The following SGCZ variants were observed in gnomAD, a reference collection of about 807,000 sequenced individuals.
SGCZ encodes zeta-sarcoglycan.
SGCZ carries 40 observed loss-of-function variants against 41.3 expected under a neutral mutation model. That is an observed-to-expected ratio of 0.97 (90% confidence interval 0.75 to 1.26). The LOEUF (loss-of-function observed/expected upper bound fraction) is 1.26, where lower values mean the gene tolerates loss of function less well. SGCZ is among the 50% of genes most tolerant of loss of function. The pLI is 0.00. For synonymous variants in SGCZ, 206 were observed against 137.5 expected, an observed-to-expected ratio of 1.50 and a Z score of -3.49; for missense variants, 552 against 369.8, an observed-to-expected ratio of 1.49 and a Z score of -4.04.
At chr8:15,236,128 T>C (rs1802110912) in intron 1 of SGCZ, among the ~76,000 whole-genome samples, 1 of 152,192 alleles carries the variant, frequency 6.6e-6, no homozygotes, top group Non-Finnish European at 1.5e-5. Flanking sequence ...CCCAGGGAAC[T>C]CAGTCTTCGG....
At chr8:14,950,872 A>T (rs911981229) in intron 1 of SGCZ, among the ~76,000 whole-genome samples, 1 of 152,090 alleles carries the variant, frequency 6.6e-6, no homozygotes. Flanking sequence ...AATAGTTCAT[A>T]ACAGAAATAA....
At chr8:14,999,055 C>G (rs902992745) in intron 1 of SGCZ, among the ~76,000 whole-genome samples, 20 of 152,132 alleles carry the variant, frequency 1.3e-4, no homozygotes, top group African/African-American at 4.8e-4. Flanking sequence ...GTGATGTTGG[C>G]AGAATTATGT....
intron 1 of SGCZ, among the ~76,000 whole-genome samples, chr8:14,822,178 G>A (rs528386044): frequency 4.3e-4 from 66 of 151,770 alleles, no homozygotes; most frequent in Non-Finnish European, 5.9e-4. Flanking sequence ...AATGGATAGC[G>A]TTTGTATAGG....
intron 2 of SGCZ, among the ~76,000 whole-genome samples, chr8:14,484,708 C>T (rs929961827): frequency 5.3e-5 from 8 of 152,188 alleles, no homozygotes; most frequent in African/African-American, 1.9e-4. Flanking sequence ...TTGTTTGAAT[C>T]AATTTTAAAA....
At chr8:14,386,374 C>T (rs1804578307) in intron 2 of SGCZ, among the ~76,000 whole-genome samples, 2 of 151,680 alleles carry the variant, frequency 1.3e-5, no homozygotes, top group Non-Finnish European at 1.5e-5. Context: ...TGGTTGTGGT[C>T]CACACAAAAT....
At chr8:15,194,683 A>C (rs1036449040) in intron 1 of SGCZ, among the ~76,000 whole-genome samples, 1 of 152,170 alleles carries the variant, frequency 6.6e-6, no homozygotes, top group African/African-American at 2.4e-5. Context: ...AAGGTTCTAC[A>C]CTGTGGCTTT....
intron 1 of SGCZ, among the ~76,000 whole-genome samples, chr8:14,876,132 G>A (rs534332269): frequency 5.9e-5 from 9 of 152,052 alleles, no homozygotes; most frequent in South Asian, 2.1e-4. Flanking sequence ...TAGAGAGATC[G>A]GACTGCCTAG....
rs1040953331 is a variant in SGCZ at position 14,090,279 on chromosome 8, G to T, written c.*164C>A. 16 of 648,392 alleles carry T rather than the reference G, an allele frequency of 2.5e-5. No homozygotes were observed. The highest frequency in any genetic ancestry group is 4.1e-5 in the Non-Finnish European group (16 of 393,572). The allele number at this position is 648,392 out of a possible 1,614,324, so 40.2% of individuals were successfully genotyped here. On this transcript the variant is annotated 3_prime_UTR_variant, in exon 8 of 8. Coordinates refer to ENST00000382080, the MANE Select transcript of SGCZ (RefSeq NM_139167.4). ...CACACCCTCTGTGTTGAGCAGTACA[G>T]TAAATCACAAGAGAAGGTGGTGGCG...
intron 1 of SGCZ, among the ~76,000 whole-genome samples, chr8:15,056,658 T>G (rs570270642): frequency 6.6e-6 from 1 of 152,186 alleles, no homozygotes; most frequent in African/African-American, 2.4e-5. Flanking sequence ...TAAATAAAGT[T>G]TTCTGCCATA....
chr8:14,822,422 C>A (rs750873176), intron 1 of SGCZ, among the ~76,000 whole-genome samples: 1 of 152,080 alleles, frequency 6.6e-6, no homozygotes, highest in Non-Finnish European at 1.5e-5. Context: ...CCAAAGTGAT[C>A]TACAAAGTTA....
rs929161594 is a variant in SGCZ at position 14,087,549 on chromosome 8, T to C, written c.*2894A>G. ...CGGGTAATAAGATAGCTTAGTCGCA[T>C]CCATGTAGTACACTATAAAGGACTC... On this transcript the variant is annotated 3_prime_UTR_variant, in exon 8 of 8. Transcript: ENST00000382080. 1.3e-5 allele frequency among the ~76,000 whole-genome samples: 2 copies of C among 151,620 alleles called. No homozygotes were observed. The highest frequency in any genetic ancestry group is 4.8e-5 in the African/African-American group (2 of 41,352).
At chr8:15,224,720 A>T (rs1801711388) in intron 1 of SGCZ, among the ~76,000 whole-genome samples, 1 of 152,172 alleles carries the variant, frequency 6.6e-6, no homozygotes, top group Admixed American at 6.5e-5. Flanking sequence ...AAGGTTCAAA[A>T]TAAAAGAATG....
intron 1 of SGCZ, among the ~76,000 whole-genome samples, chr8:15,166,848 A>G (rs1192435855): frequency 6.6e-6 from 1 of 152,202 alleles, no homozygotes; most frequent in Non-Finnish European, 1.5e-5. Context: ...CAGCCTTCTG[A>G]TAACTTTAGA....
rs1359432025 is a variant in SGCZ, at chr8:14,804,572, G to A, written c.40-249646C>T. Among the ~76,000 whole-genome samples, 17 of 139,540 alleles carry A rather than the reference G, an allele frequency of 1.2e-4. 1 individual carries two copies. The highest frequency in any genetic ancestry group is 1.1e-3 in the Admixed American group (15 of 13,324). 91.5% of individuals were successfully genotyped at this position (139,540 alleles called of 152,430 possible). On this transcript the variant is annotated intron_variant, in intron 1 of 7. Coordinates refer to ENST00000382080, the MANE Select transcript of SGCZ (RefSeq NM_139167.4). ...TGAGCAAAGCCTCCAAGAAATATGG[G>A]ACTATGTGAAAAGACCAAATCTACG...
intron 1 of SGCZ, among the ~76,000 whole-genome samples, chr8:14,858,037 T>C (rs957372901): frequency 6.6e-6 from 1 of 152,172 alleles, no homozygotes; most frequent in African/African-American, 2.4e-5. Flanking sequence ...GTCTGTAATG[T>C]GAACTTTATA....
At chr8:15,224,364 C>G (rs1801701961) in intron 1 of SGCZ, among the ~76,000 whole-genome samples, 1 of 151,672 alleles carries the variant, frequency 6.6e-6, no homozygotes, top group Admixed American at 6.6e-5. Context: ...ACATGAGAAT[C>G]AAGACAGTGT....
At chr8:14,932,230 T>A (rs770328260) in intron 1 of SGCZ, among the ~76,000 whole-genome samples, 22 of 151,962 alleles carry the variant, frequency 1.4e-4, no homozygotes, top group Non-Finnish European at 2.9e-4. Context: ...TTATAAAGGT[T>A]AAAATGCTTA....
intron 1 of SGCZ, among the ~76,000 whole-genome samples, chr8:15,186,694 G>C (rs988569090): frequency 2.6e-5 from 4 of 152,166 alleles, no homozygotes; most frequent in Non-Finnish European, 4.4e-5. Flanking sequence ...AGTATTTATT[G>C]AGTGCATGAA....
At chr8:14,994,668 G>T (rs1802152918) in intron 1 of SGCZ, among the ~76,000 whole-genome samples, 1 of 151,858 alleles carries the variant, frequency 6.6e-6, no homozygotes, top group Non-Finnish European at 1.5e-5. Context: ...GTATGTGTGT[G>T]TGTATACTCA....
Sources: allele counts gnomAD v4.1 joint callset (sites outside exome capture counted in the v4.1 genomes callset), GRCh38; gene constraint gnomAD v4.1.1; transcripts MANE v1.5; gene names NCBI Gene and HGNC (gene_info 2026-07-23, HGNC 2026-07-21).